ACSBG1: variants seen among roughly 807,000 people sequenced by gnomAD.
The protein encoded by ACSBG1 is long-chain-fatty-acid--CoA ligase ACSBG1.
A neutral mutation model predicts 80.2 loss-of-function variants in ACSBG1; 39 were observed. The ratio of observed to expected loss-of-function variants is 0.49; its 90% CI spans 0.38 to 0.64. The LOEUF is 0.64. ACSBG1 is among the 30% of genes least tolerant of loss of function. The pLI, the probability that ACSBG1 is intolerant of heterozygous loss-of-function variation, is 0.00. For missense variants in ACSBG1, 828 were observed against 966.4 expected, an observed-to-expected ratio of 0.86 and a Z score of 1.90; for synonymous variants, 392 against 379.5, an observed-to-expected ratio of 1.03 and a Z score of -0.38.
At position 78,179,015 on chromosome 15, in the gene ACSBG1, A is replaced by G; in HGVS notation, c.1485-184T>C. The G allele has an allele frequency of 1.6e-5, 10 of 611,012 alleles. No individual in the cohort carries two copies. The South Asian group carries it at 1.9e-4, about 11-fold the overall frequency. The allele number at this position is 611,012 out of a possible 1,614,324, so 37.8% of individuals were successfully genotyped here. ...AGAGCCAAGTAAAGGGTTTTAGGGA[A>G]TGAAGGAAGGAAGGAACAAATGAAA... On this transcript the variant is annotated intron_variant, in intron 10 of 13. Coordinates refer to ENST00000258873, the MANE Select transcript of ACSBG1 (RefSeq NM_015162.5).
intron 11 of ACSBG1, among the ~76,000 whole-genome samples, chr15:78,175,852 A>G (rs1260317884): frequency 6.6e-6 from 1 of 152,086 alleles, no homozygotes; most frequent in Non-Finnish European, 1.5e-5. Context: ...AAATGTGGGA[A>G]GACAAAAACC....
At chr15:78,225,705 T>C (rs4887018) in intron 1 of ACSBG1, among the ~76,000 whole-genome samples, 81,445 of 151,852 alleles carry the variant, frequency 0.54, 22,349 homozygotes, top group East Asian at 0.67. Context: ...ACATTTTACA[T>C]AGAAGTACAA....
chr15:78,168,484 A>T lies in ACSBG1; in HGVS notation c.*2960T>A, dbSNP rs1385007278. On this transcript the variant is annotated 3_prime_UTR_variant, in exon 14 of 14. Coordinates refer to ENST00000258873, the MANE Select transcript of ACSBG1 (RefSeq NM_015162.5). Reference sequence around the variant, plus strand: ...AGCCTGGGCAACAGAGTGAGACTCCATCTAAAAAAAAAATAATAATAAAAA... The same window carrying T: ...AGCCTGGGCAACAGAGTGAGACTCCTTCTAAAAAAAAAATAATAATAAAAA... The T allele has an allele frequency of 6.6e-6, 1 of 152,188 alleles. No homozygotes were observed. The highest frequency in any genetic ancestry group is 2.4e-5 in the African/African-American group (1 of 41,406). The allele number at this position is 152,188 out of a possible 1,614,324, so 9.4% of individuals were successfully genotyped here. A position where few individuals can be genotyped will look rare whatever the true frequency, so the allele number is the denominator to read the frequency against.
rs2074806992 is a variant in ACSBG1, at chr15:78,170,523, A to T, written c.*921T>A. The T allele has an allele frequency of 6.6e-6, 1 of 152,184 alleles. No individual in the cohort carries two copies. Among genetic ancestry groups the T allele is most frequent in the South Asian group, 2.1e-4 (1 of 4,822 alleles). The allele number at this position is 152,184 out of a possible 1,614,324, so 9.4% of individuals were successfully genotyped here. On this transcript the variant is annotated 3_prime_UTR_variant, in exon 14 of 14. Transcript: ENST00000258873. Reference sequence around the variant, plus strand: ...ATCAGTGGCTCTTGGGTTCAAAGTAATAAAGAATTCCAAAACTGAGATGTT... The same window carrying T: ...ATCAGTGGCTCTTGGGTTCAAAGTATTAAAGAATTCCAAAACTGAGATGTT...
intron 1 of ACSBG1, among the ~76,000 whole-genome samples, chr15:78,217,767 A>T (rs753680470): frequency 6.6e-6 from 1 of 151,888 alleles, no homozygotes; most frequent in Non-Finnish European, 1.5e-5. Flanking sequence ...GGGTTTCACT[A>T]CGTTGGTCAG....
chr15:78,217,120 C>T (rs1374109638), intron 1 of ACSBG1, among the ~76,000 whole-genome samples: 1 of 152,208 alleles, frequency 6.6e-6, no homozygotes, highest in East Asian at 1.9e-4. Flanking sequence ...AGGGACAAGG[C>T]TGCAAAGTTG....
chr15:78,171,493 T>C lies in ACSBG1; in HGVS notation c.2126A>G (p.Glu709Gly). ...GGAGTCAATGATACCTTTGTACTTC[T>C]CCAAAACTGTGAGCCGTTTCAGTTT... The part of the protein sequence containing the change: ...TMKLKRLTVL[E>G]KYKGIIDSFY... The change falls in exon 14 of 14, where the codon GAG (glutamate) becomes GGG (glycine). Residue 709 changes from glutamate to glycine, a missense_variant. Physicochemically the swap from Glu to Gly is moderately conservative, Grantham distance 98. Coordinates refer to ENST00000258873, the MANE Select transcript of ACSBG1 (RefSeq NM_015162.5). The C allele has an allele frequency of 1.1e-5, 17 of 1,614,198 alleles. No individual in the cohort carries two copies. Among genetic ancestry groups the C allele is most frequent in the Non-Finnish European group, 1.4e-5 (16 of 1,180,008 alleles).
intron 2 of ACSBG1, 77 bp downstream of exon 2, chr15:78,207,925 A>ACCCCCCCCCCCCCCCCCACCCCCCCCCCC: frequency 2.2e-6 from 1 of 454,978 alleles, no homozygotes; most frequent in East Asian, 6.1e-5. Context: ...GGTCCCCCAC[A>ACCCCCCCCCCCCCCCCCACCCCCCCCCCC]CCACCCACCC....
intron 5 of ACSBG1, among the ~76,000 whole-genome samples, chr15:78,184,332 C>T (rs1372909005): frequency 7.3e-5 from 11 of 150,922 alleles, no homozygotes; most frequent in South Asian, 2.1e-4. Flanking sequence ...CACCACATGT[C>T]GCTAATTAAA....
intron 2 of ACSBG1, among the ~76,000 whole-genome samples, chr15:78,202,390 T>C (rs867744191): frequency 3.3e-4 from 50 of 152,092 alleles, no homozygotes; most frequent in African/African-American, 9.4e-4. Flanking sequence ...TTTTGTATTT[T>C]AGTAGAGACG....
In ACSBG1 at chr15:78,185,814, G is replaced by A. The variant is rs79711881; in HGVS notation, c.664-3029C>T. On this transcript the variant is annotated intron_variant, in intron 5 of 13. Coordinates refer to ENST00000258873, the MANE Select transcript of ACSBG1 (RefSeq NM_015162.5). ...GAAAATAAGATATCGTAGACGTCTT[G>A]TTAGAAATGATGCAAATAGAAAACA... Among the ~76,000 whole-genome samples the A allele has an allele frequency of 1.7e-4, 26 of 151,982 alleles. No individual in the cohort carries two copies. The East Asian group carries it at 4.6e-3, about 27-fold the overall frequency.
intron 2 of ACSBG1, among the ~76,000 whole-genome samples, chr15:78,204,880 A>G (rs1477918552): frequency 2.0e-5 from 3 of 152,196 alleles, no homozygotes; most frequent in African/African-American, 7.2e-5. Context: ...GGTGGGAGTG[A>G]CGAACCGAGG....
At position 78,171,527 on chromosome 15, in the gene ACSBG1, G is replaced by A. The variant is rs2141314052; in HGVS notation, c.2092C>T (p.Pro698Ser). 1 of 1,613,808 alleles carries A rather than the reference G, an allele frequency of 6.2e-7. No individual in the cohort carries two copies. Among genetic ancestry groups the A allele is most frequent in the East Asian group, 2.2e-5 (1 of 44,880 alleles). Residue 698 changes from proline to serine, a missense_variant and splice_region_variant, in exon 14 of 14, where the codon CCC (proline) becomes TCC (serine). Coordinates refer to ENST00000258873, the MANE Select transcript of ACSBG1 (RefSeq NM_015162.5). ...DFSISGGELG[P>S]TMKLKRLTVL... Reference sequence around the variant, plus strand: ...GTGAGCCGTTTCAGTTTCATCGTGGGACCTAAAAGGGAAATGAGAAGAAAT... The same window carrying A: ...GTGAGCCGTTTCAGTTTCATCGTGGAACCTAAAAGGGAAATGAGAAGAAAT...
intron 11 of ACSBG1, among the ~76,000 whole-genome samples, chr15:78,176,876 C>T (rs943208459): frequency 2.6e-5 from 4 of 152,008 alleles, no homozygotes; most frequent in African/African-American, 4.8e-5. Flanking sequence ...TGCAGTGATC[C>T]GAGATCACGC....
intron 1 of ACSBG1, among the ~76,000 whole-genome samples, chr15:78,210,238 A>G (rs1297726008): frequency 3.3e-5 from 5 of 152,194 alleles, no homozygotes; most frequent in Non-Finnish European, 7.4e-5. Context: ...GTTTAACAAG[A>G]ACACCTTCCT....
At chr15:78,215,874 C>T (rs2075308650) in intron 1 of ACSBG1, among the ~76,000 whole-genome samples, 1 of 152,072 alleles carries the variant, frequency 6.6e-6, no homozygotes, top group Non-Finnish European at 1.5e-5. Context: ...ATCAGGAAGG[C>T]TTGGGAAATG....
At chr15:78,190,381 G>T (rs1318513592) in intron 5 of ACSBG1, among the ~76,000 whole-genome samples, 2 of 150,638 alleles carry the variant, frequency 1.3e-5, no homozygotes, top group African/African-American at 2.4e-5. Flanking sequence ...TTAAGACAGG[G>T]TCTAACTCTG....
chr15:78,215,782 G>GAAAGAA, intron 1 of ACSBG1, among the ~76,000 whole-genome samples: 1 of 149,134 alleles, frequency 6.7e-6, no homozygotes, highest in East Asian at 2.0e-4. Flanking sequence ...AAGAAAGAAA[G>GAAAGAA]AAAGAGAAAG....
At chr15:78,207,251 C>T (rs2075224166) in intron 2 of ACSBG1, among the ~76,000 whole-genome samples, 1 of 152,148 alleles carries the variant, frequency 6.6e-6, no homozygotes, top group Non-Finnish European at 1.5e-5. Flanking sequence ...GGGCAGGGGG[C>T]ATGAGAGGAA....
Sources: allele counts gnomAD v4.1 joint callset (sites outside exome capture counted in the v4.1 genomes callset), GRCh38; gene constraint gnomAD v4.1.1; transcripts MANE v1.5; gene names NCBI Gene and HGNC (gene_info 2026-07-23, HGNC 2026-07-21).